The following FIG4 variants were observed in gnomAD, a reference collection of about 807,000 sequenced individuals.
The protein encoded by FIG4 is polyphosphoinositide phosphatase.
A neutral mutation model predicts 118.6 loss-of-function variants in FIG4; 112 were observed. The observed-to-expected ratio is 0.94, with a 90% CI of 0.81 to 1.11. The LOEUF is 1.11. Ranked by LOEUF, FIG4 falls within the 50% of genes least tolerant of loss-of-function variation. FIG4 has a pLI of 0.00. For missense variants in FIG4, 969 were observed against 1,111.7 expected (o/e 0.87, Z 1.83); for synonymous variants, 369 against 381.2 (o/e 0.97, Z 0.37).
At chr6:109,727,443 T>C (rs535283923) in intron 4 of FIG4, among the ~76,000 whole-genome samples, 178 bp downstream of exon 4, 4 of 152,252 alleles carry the variant, frequency 2.6e-5, no homozygotes, top group South Asian at 2.1e-4. Flanking sequence ...AGTTTAGATA[T>C]TATGAATGTT....
Position 109,716,437 on chromosome 6 carries a change from A to T in FIG4, c.166-8A>T. The T allele has an allele frequency of 1.2e-6, 2 of 1,613,380 alleles. No individual in the cohort carries two copies. The highest frequency in any genetic ancestry group is 1.7e-6 in the Non-Finnish European group (2 of 1,179,432). On this transcript the variant is annotated splice_region_variant and splice_polypyrimidine_tract_variant and intron_variant, in intron 2 of 22. Coordinates refer to ENST00000230124, the MANE Select transcript of FIG4 (RefSeq NM_014845.6). ...ACAACCTTACAGAGTAAATGTGCTTATTCTTAGCATGTCTATACTCAACAA... is the reference window on the plus strand; with the variant it reads ...ACAACCTTACAGAGTAAATGTGCTTTTTCTTAGCATGTCTATACTCAACAA...
Position 109,825,247 on chromosome 6 carries a change from C to T in FIG4, c.2706C>T (p.Ile902=). ...KEDSSMYREY[I]RNRYL is the part of the protein sequence containing the mutation. The stretch of plus-strand genomic sequence containing the variant: ...ACTCCTCCATGTACCGAGAGTACAT[C>T]AGGAACCGCTACCTGTGAAAAGAGC... The change falls in exon 23 of 23, where the codon ATC becomes ATT. Residue 902 remains isoleucine, a synonymous_variant. Transcript: ENST00000230124. 1 of 1,614,048 alleles carries T rather than the reference C, an allele frequency of 6.2e-7. No individual in the cohort carries two copies.
intron 10 of FIG4, 77 bp downstream of exon 10, chr6:109,743,849 CA>C (rs1776402600): frequency 2.8e-5 from 14 of 507,390 alleles, no homozygotes; most frequent in Non-Finnish European, 5.3e-5. Flanking sequence ...AGGGGGTTAA[CA>C]AGCCATGCTT....
intron 10 of FIG4, among the ~76,000 whole-genome samples, chr6:109,759,209 A>G (rs755563348): frequency 4.9e-4 from 74 of 152,214 alleles, no homozygotes; most frequent in African/African-American, 8.9e-4. Flanking sequence ...CGGCCCATCA[A>G]TGATGGACTG....
At chr6:109,761,521 G>A (rs1165443271) in intron 11 of FIG4, among the ~76,000 whole-genome samples, 1 of 152,194 alleles carries the variant, frequency 6.6e-6, no homozygotes, top group East Asian at 1.9e-4. Context: ...AAGTAGCTGG[G>A]ACTACAGGCA....
intron 1 of FIG4, 23 bp downstream of exon 1, chr6:109,691,524 G>A: frequency 6.4e-7 from 1 of 1,556,944 alleles, no homozygotes. Context: ...TCGCGGCGGG[G>A]CGCAGGCGGG....
chr6:109,697,357 G>C (rs1774760692), intron 1 of FIG4, among the ~76,000 whole-genome samples: 1 of 152,000 alleles, frequency 6.6e-6, no homozygotes, highest in African/African-American at 2.4e-5. Context: ...GTCTCATGAA[G>C]TCGCAGTCAA....
At chr6:109,766,224 C>T (rs1777274581) in intron 14 of FIG4, among the ~76,000 whole-genome samples, 1 of 152,194 alleles carries the variant, frequency 6.6e-6, no homozygotes, top group Admixed American at 6.5e-5. Context: ...AATGGGCCCT[C>T]ACCAGACACT....
intron 16 of FIG4, 127 bp from the exon 17 acceptor site, chr6:109,784,843 A>G: frequency 1.9e-6 from 1 of 526,376 alleles, no homozygotes; most frequent in South Asian, 3.0e-5. Flanking sequence ...CATGTTTTAA[A>G]AAGAAAAATA....
chr6:109,744,311 G>T (rs1346440985), intron 10 of FIG4, among the ~76,000 whole-genome samples: 1 of 152,104 alleles, frequency 6.6e-6, no homozygotes, highest in Admixed American at 6.6e-5. Flanking sequence ...TGCTTTCTTG[G>T]CAGAGTACAC....
intron 4 of FIG4, among the ~76,000 whole-genome samples, chr6:109,730,346 G>T (rs1183627768): frequency 6.6e-6 from 1 of 152,118 alleles, no homozygotes; most frequent in African/African-American, 2.4e-5. Context: ...ACAGGGCCTG[G>T]CCAGTTTATA....
At chr6:109,707,334 TATATATAC>T (rs1775107034) in intron 1 of FIG4, among the ~76,000 whole-genome samples, 2 of 133,270 alleles carry the variant, frequency 1.5e-5, no homozygotes, top group Non-Finnish European at 3.1e-5. Flanking sequence ...TGTATAGGTA[TATATATAC>T]ATATATACAT....
At chr6:109,820,512 G>A (rs1409407970) in intron 22 of FIG4, among the ~76,000 whole-genome samples, 2 of 152,120 alleles carry the variant, frequency 1.3e-5, no homozygotes, top group Non-Finnish European at 2.9e-5. Context: ...AGACGTGGGA[G>A]TTGAGCTGGG....
intron 22 of FIG4, among the ~76,000 whole-genome samples, chr6:109,823,383 C>T (rs1562703301): frequency 6.6e-6 from 1 of 152,130 alleles, no homozygotes; most frequent in Non-Finnish European, 1.5e-5. Flanking sequence ...AACCTGCTCT[C>T]CTGGTCACCC....
chr6:109,767,860 A>G (rs1777329733), intron 15 of FIG4, among the ~76,000 whole-genome samples: 1 of 152,126 alleles, frequency 6.6e-6, no homozygotes, highest in Admixed American at 6.5e-5. Flanking sequence ...CGACAGAGCA[A>G]GACTCCATCT....
intron 3 of FIG4, among the ~76,000 whole-genome samples, chr6:109,720,913 G>A (rs1436734682): frequency 6.6e-6 from 1 of 152,178 alleles, no homozygotes; most frequent in East Asian, 1.9e-4. Context: ...CACTGGATGG[G>A]ATCGTGAGCA....
At chr6:109,762,960 C>A (rs749914191) in intron 12 of FIG4, among the ~76,000 whole-genome samples, 8 of 152,156 alleles carry the variant, frequency 5.3e-5, no homozygotes, top group Admixed American at 1.3e-4. Context: ...GGGGCAAAGT[C>A]CAGAGGAAAC....
chr6:109,750,474 T>A (rs534789836), intron 10 of FIG4, among the ~76,000 whole-genome samples: 32 of 149,072 alleles, frequency 2.1e-4, no homozygotes, highest in Admixed American at 5.4e-4. Context: ...CTCTACAAAA[T>A]TTTTTTTTTT....
chr6:109,825,356 G>C lies in FIG4; in HGVS notation c.*91G>C. The C allele has an allele frequency of 2.5e-6, 3 of 1,195,384 alleles. No individual in the cohort carries two copies. Among genetic ancestry groups the C allele is most frequent in the African/African-American group, 1.5e-5 (1 of 66,444 alleles). 74.0% of individuals were successfully genotyped at this position (1,195,384 alleles called of 1,614,324 possible). On this transcript the variant is annotated 3_prime_UTR_variant, in exon 23 of 23. Transcript: ENST00000230124. ...AAAGGTAACTTATTAAAAGTCCTTT[G>C]CGTCTGAAGCCTTTCTCCTTTTCTG...
Sources: gnomAD v4.1 joint callset for allele counts (sites outside exome capture counted in the v4.1 genomes callset) on GRCh38, gnomAD v4.1.1 for gene constraint, MANE v1.5 for transcripts, NCBI Gene and HGNC (gene_info 2026-07-23, HGNC 2026-07-21) for gene names.